RAB11FIP2: variants seen among roughly 807,000 people sequenced by gnomAD.
RAB11FIP2 encodes RAB11 family interacting protein 2.
RAB11FIP2 carries 16 observed loss-of-function variants against 40.9 expected under a neutral mutation model. The observed-to-expected ratio is 0.39, with a 90% CI of 0.26 to 0.59. The LOEUF (loss-of-function observed/expected upper bound fraction) is 0.59, where lower values mean the gene tolerates loss of function less well. RAB11FIP2 is among the 20% of genes least tolerant of loss of function. RAB11FIP2 has a pLI of 0.53. For synonymous variants in RAB11FIP2, 228 were observed against 213.7 expected (o/e 1.07, Z -0.58); for missense variants, 532 against 606.2 (o/e 0.88, Z 1.28).
chr10:118,021,764 T>C (rs1010672144), intron 3 of RAB11FIP2, among the ~76,000 whole-genome samples: 5 of 152,242 alleles, frequency 3.3e-5, no homozygotes, highest in African/African-American at 1.2e-4. Flanking sequence ...TCCTGCTATC[T>C]GGTAGCCTAA....
intron 1 of RAB11FIP2, among the ~76,000 whole-genome samples, chr10:118,041,371 C>T (rs1846556204): frequency 1.3e-5 from 2 of 151,912 alleles, no homozygotes; most frequent in Admixed American, 6.6e-5. Context: ...ACGTTTTAGT[C>T]CCTTCAATGT....
chr10:118,023,711 T>C (rs1245617604), intron 3 of RAB11FIP2, among the ~76,000 whole-genome samples: 1 of 152,130 alleles, frequency 6.6e-6, no homozygotes, highest in Non-Finnish European at 1.5e-5. Context: ...TTGGTGAAAG[T>C]CCTAGAACTT....
At chr10:118,014,516 G>T (rs186044407) in intron 4 of RAB11FIP2, among the ~76,000 whole-genome samples, 1 of 152,098 alleles carries the variant, frequency 6.6e-6, no homozygotes, top group Non-Finnish European at 1.5e-5. Flanking sequence ...TGCAAAATAC[G>T]TGAGTTGATT....
At chr10:118,036,180 T>C (rs1350715915) in intron 3 of RAB11FIP2, among the ~76,000 whole-genome samples, 2 of 152,078 alleles carry the variant, frequency 1.3e-5, no homozygotes, top group Non-Finnish European at 2.9e-5. Flanking sequence ...ATATGGTTCC[T>C]AGGTACCAGC....
intron 3 of RAB11FIP2, among the ~76,000 whole-genome samples, chr10:118,034,478 T>G (rs1191710891): frequency 6.6e-6 from 1 of 152,152 alleles, no homozygotes; most frequent in East Asian, 1.9e-4. Context: ...ATTTGTGATT[T>G]TATAATATAT....
At chr10:118,017,032 C>G (rs74638445) in intron 3 of RAB11FIP2, among the ~76,000 whole-genome samples, 4,292 of 152,258 alleles carry the variant, frequency 0.028, 152 homozygotes, top group East Asian at 0.19. Flanking sequence ...AAAATTAACT[C>G]ATTTAATCTT....
intron 3 of RAB11FIP2, among the ~76,000 whole-genome samples, chr10:118,030,658 C>T (rs1184397090): frequency 2.0e-5 from 3 of 151,364 alleles, no homozygotes; most frequent in Admixed American, 6.6e-5. Flanking sequence ...GGCCTGTTTT[C>T]TTCTCTCTCA....
intron 1 of RAB11FIP2, among the ~76,000 whole-genome samples, chr10:118,041,721 T>A (rs933681010): frequency 2.0e-5 from 3 of 152,174 alleles, no homozygotes; most frequent in Non-Finnish European, 2.9e-5. Context: ...AAGATTACAT[T>A]TACTGTATAT....
Position 118,040,260 on chromosome 10 carries a change from T to G in RAB11FIP2, c.659A>C (p.Gln220Pro). The change falls in exon 2 of 5, where the codon CAG becomes CCG. Residue 220 changes from glutamine to proline, a missense_variant. By Grantham distance (76) the Gln-to-Pro change is moderately conservative. Transcript: ENST00000355624. ...CATTGAATGCGCTGACGAGAGTCGCTGAGGACCCAAGAGAAAAGGCTTTTT... is the reference window on the plus strand; with the variant it reads ...CATTGAATGCGCTGACGAGAGTCGCGGAGGACCCAAGAGAAAAGGCTTTTT... The part of the protein sequence containing the change: ...KPKKPFLLGP[Q>P]RLSSAHSMSD... 1.9e-6 allele frequency: 3 copies of G among 1,613,856 alleles called. No homozygotes were observed. The highest frequency in any genetic ancestry group is 1.7e-6 in the Non-Finnish European group (2 of 1,179,812).
chr10:118,013,611 G>A (rs1425633874), intron 4 of RAB11FIP2, among the ~76,000 whole-genome samples: 2 of 152,070 alleles, frequency 1.3e-5, no homozygotes, highest in Admixed American at 1.3e-4. Flanking sequence ...TCAGTACGAA[G>A]ATGCGCTTCC....
At chr10:118,039,714 G>A (rs776559386) in intron 2 of RAB11FIP2, 1 of 392,574 alleles carries the variant, frequency 2.5e-6, no homozygotes, top group Non-Finnish European at 4.5e-6. Context: ...GTTCTGGTTG[G>A]CATGATAATG....
intron 4 of RAB11FIP2, among the ~76,000 whole-genome samples, chr10:118,011,323 GA>G (rs1325073513): frequency 6.6e-6 from 1 of 151,870 alleles, no homozygotes; most frequent in African/African-American, 2.4e-5. Context: ...CAATTCTAGA[GA>G]TAAGTGTTGT....
At chr10:118,019,829 GAA>G (rs746080254) in intron 3 of RAB11FIP2, among the ~76,000 whole-genome samples, 10 of 98,906 alleles carry the variant, frequency 1.0e-4, no homozygotes, top group South Asian at 3.4e-4. Context: ...CTGCCTCAAA[GAA>G]AAAAAAAAAA....
chr10:118,023,048 T>C (rs915431065), intron 3 of RAB11FIP2, among the ~76,000 whole-genome samples: 8 of 152,334 alleles, frequency 5.3e-5, no homozygotes, highest in South Asian at 2.1e-4. Context: ...TTTAAGTCAA[T>C]AGGAATTAAA....
intron 4 of RAB11FIP2, among the ~76,000 whole-genome samples, chr10:118,009,788 C>A (rs1045639233): frequency 6.6e-6 from 1 of 152,132 alleles, no homozygotes; most frequent in Non-Finnish European, 1.5e-5. Context: ...TGAGTAACTT[C>A]TGTTTTAATT....
intron 3 of RAB11FIP2, among the ~76,000 whole-genome samples, chr10:118,029,626 A>C (rs2133174792): frequency 6.6e-6 from 1 of 152,290 alleles, no homozygotes; most frequent in South Asian, 2.1e-4. Context: ...TAATAATGAA[A>C]ATATCATTTG....
At chr10:118,023,243 T>C (rs551820422) in intron 3 of RAB11FIP2, among the ~76,000 whole-genome samples, 2 of 152,326 alleles carry the variant, frequency 1.3e-5, no homozygotes, top group African/African-American at 4.8e-5. Flanking sequence ...TTTTTAATGT[T>C]CTTTAATAAT....
rs139153376 is a variant in RAB11FIP2 at position 118,026,374 on chromosome 10, T to C, written c.1266-11264A>G. 1.2e-4 allele frequency among the ~76,000 whole-genome samples: 19 copies of C among 152,328 alleles called. No homozygotes were observed. In the East Asian group the frequency reaches 3.7e-3, roughly 29 times the overall value. ...TTAAAAATACAATGAATATTATTTC[T>C]GATATATTAAAGAACCTTGAATTCA... On this transcript the variant is annotated intron_variant, in intron 3 of 4. Transcript: ENST00000355624.
At chr10:118,041,964 G>C (rs867416599) in intron 1 of RAB11FIP2, among the ~76,000 whole-genome samples, 2 of 152,146 alleles carry the variant, frequency 1.3e-5, no homozygotes, top group Middle Eastern at 3.4e-3. Flanking sequence ...AGAAACAGGG[G>C]CTAGAAATAA....
Sources: gnomAD v4.1 joint callset for allele counts (sites outside exome capture counted in the v4.1 genomes callset) on GRCh38, gnomAD v4.1.1 for gene constraint, MANE v1.5 for transcripts, NCBI Gene and HGNC (gene_info 2026-07-23, HGNC 2026-07-21) for gene names.